The following DIPK1C variants were observed in gnomAD, a reference collection of about 807,000 sequenced individuals.
DIPK1C encodes divergent protein kinase domain 1C.
Under a neutral mutation model 28.0 loss-of-function variants are expected in DIPK1C, and 33 were observed. That is an observed-to-expected ratio of 1.18 (90% confidence interval 0.89 to 1.58). DIPK1C has a LOEUF of 1.58. Ranked by LOEUF, DIPK1C falls within the 40% of genes most tolerant of loss-of-function variation. The pLI, the probability that DIPK1C is intolerant of heterozygous loss-of-function variation, is 0.00. For missense variants in DIPK1C, 569 were observed against 568.5 expected (o/e 1.00, Z -0.01); for synonymous variants, 255 against 248.8 (o/e 1.02, Z -0.23).
upstream of DIPK1C, among the ~76,000 whole-genome samples, chr18:74,460,816 C>T (rs1255864197): frequency 6.6e-6 from 1 of 152,208 alleles, no homozygotes; most frequent in Non-Finnish European, 1.5e-5. Flanking sequence ...TCATTCAAAG[C>T]ACTACTGAGC....
At chr18:74,443,216 T>C (rs1986183775) in intron 2 of DIPK1C, among the ~76,000 whole-genome samples, 1 of 152,140 alleles carries the variant, frequency 6.6e-6, no homozygotes, top group Non-Finnish European at 1.5e-5. Context: ...AACTTCTAAA[T>C]TATGCAGCTC....
intron 3 of DIPK1C, among the ~76,000 whole-genome samples, chr18:74,441,283 G>C (rs1165808960): frequency 6.6e-6 from 1 of 152,206 alleles, no homozygotes; most frequent in Admixed American, 6.5e-5. Context: ...CCTAGACACT[G>C]TGGGGCCTCC....
At chr18:74,445,707 T>G (rs1178440387) in intron 2 of DIPK1C, among the ~76,000 whole-genome samples, 1 of 152,208 alleles carries the variant, frequency 6.6e-6, no homozygotes, top group Non-Finnish European at 1.5e-5. Flanking sequence ...GCCGTTCAGC[T>G]GCCGGCACTG....
chr18:74,438,136 C>T (rs74347804), intron 3 of DIPK1C, among the ~76,000 whole-genome samples: 5 of 152,238 alleles, frequency 3.3e-5, no homozygotes, highest in Non-Finnish European at 7.3e-5. Context: ...AAGCGATTCA[C>T]CTGCCTTGGC....
chr18:74,454,862 G>A (rs1019274235), intron 1 of DIPK1C, among the ~76,000 whole-genome samples: 13 of 151,526 alleles, frequency 8.6e-5, no homozygotes, highest in Non-Finnish European at 1.3e-4. Context: ...GGATGAAAAC[G>A]GTAGAAAAGG....
chr18:74,456,402 C>A (rs946560972), intron 1 of DIPK1C, among the ~76,000 whole-genome samples: 1 of 152,252 alleles, frequency 6.6e-6, no homozygotes, highest in African/African-American at 2.4e-5. Flanking sequence ...GGTTAGGAGG[C>A]GCCTGTCGAG....
rs974550202 is a variant in DIPK1C at position 74,436,635 on chromosome 18, G to A, written c.1126C>T (p.Gln376Ter). 3 of 1,613,930 alleles carry A rather than the reference G, an allele frequency of 1.9e-6. No homozygotes were observed. The highest frequency in any genetic ancestry group is 3.3e-5 in the Admixed American group (2 of 60,022). Residue 376 changes from glutamine to a stop codon, truncating the protein, a stop_gained, in exon 4 of 4, where the codon CAG becomes TAG. Coordinates refer to ENST00000343998, the MANE Select transcript of DIPK1C (RefSeq NM_001044369.3). LOFTEE classifies it low-confidence loss of function (END_TRUNC). ...AVSFQLQLQL[Q>*]EAVQECADPG... ...TCTGCACATTCCTGCACCGCCTCCT[G>A]TAACTGCAGCTGAAGCTGGAAAGAG...
chr18:74,447,314 G>A lies in DIPK1C; in HGVS notation c.199-31C>T, dbSNP rs758188226. ...AGGAAGGGAACAGTCGGTCACCATG[G>A]GGAGGGCCTGGTGCCATCCGTCTCT... is the stretch of plus-strand genomic sequence containing the variant. On this transcript the variant is annotated intron_variant, in intron 1 of 3. Transcript: ENST00000343998. The surrounding 1 kb of genome is among the most constrained non-coding windows in gnomAD (Gnocchi z 4.1). 1.3e-6 allele frequency: 2 copies of A among 1,492,160 alleles called. No individual in the cohort carries two copies. The highest frequency in any genetic ancestry group is 4.2e-5 in the Admixed American group (2 of 47,708). 92.4% of individuals were successfully genotyped at this position (1,492,160 alleles called of 1,614,324 possible).
intron 1 of DIPK1C, among the ~76,000 whole-genome samples, chr18:74,448,184 C>T (rs1381544931): frequency 6.6e-6 from 1 of 152,156 alleles, no homozygotes; most frequent in Non-Finnish European, 1.5e-5. Flanking sequence ...GACTGTCATC[C>T]TCTTCTCTCT....
intron 1 of DIPK1C, among the ~76,000 whole-genome samples, chr18:74,456,379 T>A (rs904662525): frequency 3.3e-5 from 5 of 152,234 alleles, no homozygotes; most frequent in Non-Finnish European, 5.9e-5. Flanking sequence ...GTGCGAGCTT[T>A]CGGGCCCTCC....
chr18:74,448,273 C>T lies in DIPK1C; in HGVS notation c.199-990G>A, dbSNP rs140310057. Among the ~76,000 whole-genome samples, 423 of 152,162 alleles carry T rather than the reference C, an allele frequency of 2.8e-3. 1 individual carries two copies. The highest frequency in any genetic ancestry group is 9.8e-3 in the African/African-American group (405 of 41,504). On this transcript the variant is annotated intron_variant, in intron 1 of 3. Transcript: ENST00000343998. ...TATTTCCTAATCCCGCCCATTTCCC[C>T]GACAAATGAATCTTCCTCCATGTCA...
At chr18:74,436,892 C>T (rs1412849175) in intron 3 of DIPK1C, among the ~76,000 whole-genome samples, 173 bp from the exon 4 acceptor site, 3 of 151,494 alleles carry the variant, frequency 2.0e-5, no homozygotes, top group Admixed American at 6.6e-5. Context: ...TCACTTCTGC[C>T]CCTTAAACCC....
intron 1 of DIPK1C, among the ~76,000 whole-genome samples, chr18:74,452,808 T>A (rs767287322): frequency 2.6e-5 from 4 of 152,202 alleles, no homozygotes; most frequent in African/African-American, 7.2e-5. Context: ...GGTTTTTTTT[T>A]AACTCAATAG....
At chr18:74,439,110 T>G (rs1209066810) in intron 3 of DIPK1C, among the ~76,000 whole-genome samples, 1 of 124,990 alleles carries the variant, frequency 8.0e-6, no homozygotes, top group African/African-American at 2.7e-5. Context: ...TGGGTTTTTG[T>G]TTTTTGTTTT....
In DIPK1C at chr18:74,446,819, C is replaced by G. The variant is rs929053174; in HGVS notation, c.663G>C (p.Ala221=). The change falls in exon 2 of 4, where the codon GCG becomes GCC. Residue 221 remains alanine, a synonymous_variant. Coordinates refer to ENST00000343998, the MANE Select transcript of DIPK1C (RefSeq NM_001044369.3). ...GGCTGCCCGCGGCCAGGAACTCCAC[C>G]GCGTAGAAGTGGCCGCAGGAACCCA... is the stretch of plus-strand genomic sequence containing the variant. ...PVLGSCGHFY[A]VEFLAAGSPH... is the part of the protein sequence containing the mutation. 2.0e-6 allele frequency: 3 copies of G among 1,489,244 alleles called. No individual in the cohort carries two copies. The highest frequency in any genetic ancestry group is 4.7e-5 in the Admixed American group (2 of 42,128). 92.3% of individuals were successfully genotyped at this position (1,489,244 alleles called of 1,614,324 possible). A position where few individuals can be genotyped will look rare whatever the true frequency, so the allele number is the denominator to read the frequency against.
At chr18:74,451,260 C>A (rs1406866781) in intron 1 of DIPK1C, among the ~76,000 whole-genome samples, 1 of 152,196 alleles carries the variant, frequency 6.6e-6, no homozygotes, top group African/African-American at 2.4e-5. Flanking sequence ...ACAGTTGAAG[C>A]AAGCACCTAC....
upstream of DIPK1C, among the ~76,000 whole-genome samples, chr18:74,458,157 C>G (rs980013939): frequency 6.6e-6 from 1 of 152,182 alleles, no homozygotes; most frequent in South Asian, 2.1e-4. Flanking sequence ...CCCCACCCCA[C>G]CCAGGGATGC....
Position 74,435,281 on chromosome 18 carries a change from A to T in DIPK1C, c.*1220T>A, listed in dbSNP as rs1391633027. ...TTCATGGGATTTCTGAAAAGGGGTG[A>T]CCCGTTGGTTTGTTGAGCACTCGTG... On this transcript the variant is annotated 3_prime_UTR_variant, in exon 4 of 4. Coordinates refer to ENST00000343998, the MANE Select transcript of DIPK1C (RefSeq NM_001044369.3). 2 of 152,188 alleles carry T rather than the reference A, an allele frequency of 1.3e-5. No individual in the cohort carries two copies. The highest frequency in any genetic ancestry group is 2.9e-5 in the Non-Finnish European group (2 of 68,030). The allele number at this position is 152,188 out of a possible 1,614,324, so 9.4% of individuals were successfully genotyped here. A position where few individuals can be genotyped will look rare whatever the true frequency, so the allele number is the denominator to read the frequency against.
upstream of DIPK1C, among the ~76,000 whole-genome samples, chr18:74,461,189 G>A (rs4892223): frequency 0.28 from 41,920 of 152,016 alleles, 6,103 homozygotes; most frequent in South Asian, 0.38. Context: ...TCCTCATCTT[G>A]CAGGCCTGAG....
Sources: gnomAD v4.1 joint callset for allele counts (sites outside exome capture counted in the v4.1 genomes callset) on GRCh38, gnomAD v4.1.1 for gene constraint, Gnocchi (gnomAD v3.1) non-coding constraint, MANE v1.5 for transcripts, NCBI Gene and HGNC (gene_info 2026-07-23, HGNC 2026-07-21) for gene names.